STK31: variants seen among roughly 807,000 people sequenced by gnomAD.
The protein encoded by STK31 is serine/threonine-protein kinase 31.
In STK31, 89 loss-of-function variants were observed where a neutral mutation model predicts 129.7. The ratio of observed to expected loss-of-function variants is 0.69; its 90% CI spans 0.58 to 0.82. STK31 has a LOEUF of 0.82. Ranked by LOEUF, STK31 falls within the 40% of genes least tolerant of loss-of-function variation. The pLI is 0.00. For missense variants in STK31, 1,187 were observed against 1,176.4 expected (o/e 1.01, Z -0.13); for synonymous variants, 448 against 395.3 (o/e 1.13, Z -1.58).
At chr7:23,787,896 G>A (rs1791393596) in intron 20 of STK31, 84 bp from the exon 21 acceptor site, 1 of 1,348,256 alleles carries the variant, frequency 7.4e-7, no homozygotes, top group African/African-American at 1.5e-5. Context: ...CTCACTTCTA[G>A]AGCAGTCTTT....
chr7:23,829,695 T>C (rs759599335), intron 23 of STK31, among the ~76,000 whole-genome samples: 1 of 152,184 alleles, frequency 6.6e-6, no homozygotes, highest in African/African-American at 2.4e-5. Context: ...TGCAGTAGTT[T>C]GAGGATAATT....
chr7:23,751,144 G>A (rs554627411), intron 8 of STK31, among the ~76,000 whole-genome samples: 1 of 152,052 alleles, frequency 6.6e-6, no homozygotes, highest in Admixed American at 6.5e-5. Context: ...TCTGTGCCTG[G>A]CTTATTTCAC....
chr7:23,738,002 A>G (rs1787820361), intron 8 of STK31, among the ~76,000 whole-genome samples: 1 of 152,092 alleles, frequency 6.6e-6, no homozygotes, highest in African/African-American at 2.4e-5. Flanking sequence ...CATTACCTGT[A>G]CTTAGCATAT....
chr7:23,820,716 A>G (rs913012267), intron 23 of STK31, among the ~76,000 whole-genome samples: 4 of 152,182 alleles, frequency 2.6e-5, no homozygotes, highest in Middle Eastern at 3.4e-3. Flanking sequence ...CTGTCATTCA[A>G]CTCTACCTCT....
intron 6 of STK31, among the ~76,000 whole-genome samples, 153 bp from the exon 7 acceptor site, chr7:23,735,385 C>T (rs992052242): frequency 3.3e-4 from 50 of 152,056 alleles, no homozygotes; most frequent in African/African-American, 1.1e-3. Flanking sequence ...CATTCATATA[C>T]GTGGAGATGC....
At chr7:23,800,254 A>C (rs1228665114) in intron 22 of STK31, among the ~76,000 whole-genome samples, 1 of 152,210 alleles carries the variant, frequency 6.6e-6, no homozygotes, top group Non-Finnish European at 1.5e-5. Context: ...AAGGATTATA[A>C]ATCATTGTAC....
Position 23,750,067 on chromosome 7 carries a change from T to TCCCCCCCCCCCCCCCCCCCCCC in STK31, c.1018-2642_1018-2641insCCCCCCCCCCCCCCCCCCCCCC, listed in dbSNP as rs1171568592. On this transcript the variant is annotated intron_variant, in intron 8 of 23. Transcript: ENST00000355870. ...CTGGGATATTTCAGAATGGTTTGTT[T>TCCCCCCCCCCCCCCCCCCCCCC]CCCCCCCCGCCACTGCTGGAAACAT... Among the ~76,000 whole-genome samples the TCCCCCCCCCCCCCCCCCCCCCC allele has an allele frequency of 4.4e-5, 4 of 90,556 alleles. 1 individual carries two copies. Among genetic ancestry groups the TCCCCCCCCCCCCCCCCCCCCCC allele is most frequent in the Non-Finnish European group, 7.0e-5 (3 of 42,732 alleles). 59.4% of individuals were successfully genotyped at this position (90,556 alleles called of 152,430 possible).
At chr7:23,816,577 T>A (rs1004122914) in intron 23 of STK31, among the ~76,000 whole-genome samples, 1 of 152,232 alleles carries the variant, frequency 6.6e-6, no homozygotes, top group Non-Finnish European at 1.5e-5. Context: ...CATAGGATTC[T>A]GTTTCTTTCA....
At chr7:23,738,061 T>A (rs1240132472) in intron 8 of STK31, among the ~76,000 whole-genome samples, 1 of 152,228 alleles carries the variant, frequency 6.6e-6, no homozygotes, top group African/African-American at 2.4e-5. Context: ...CTACTTTAGA[T>A]GCCAGCCACA....
chr7:23,779,715 T>C (rs1330671261), intron 15 of STK31, among the ~76,000 whole-genome samples: 1 of 152,202 alleles, frequency 6.6e-6, no homozygotes, highest in African/African-American at 2.4e-5. Context: ...CCAGGTTGAC[T>C]TCAGACTGCC....
intron 23 of STK31, among the ~76,000 whole-genome samples, chr7:23,819,093 A>G (rs1233971725): frequency 2.0e-5 from 3 of 152,208 alleles, no homozygotes; most frequent in South Asian, 4.1e-4. Context: ...TATGAGAGTC[A>G]TTTTTGTTGA....
chr7:23,743,870 T>C (rs898636025), intron 8 of STK31, among the ~76,000 whole-genome samples: 1 of 151,880 alleles, frequency 6.6e-6, no homozygotes, highest in Non-Finnish European at 1.5e-5. Flanking sequence ...TTCAAAAGTC[T>C]TGTCTTAAGT....
rs1414136087 is a variant in STK31, at chr7:23,832,341, A to G, written c.3035A>G (p.Asn1012Ser). The G allele has an allele frequency of 6.2e-7, 1 of 1,610,840 alleles. No individual in the cohort carries two copies. The highest frequency in any genetic ancestry group is 8.5e-7 in the Non-Finnish European group (1 of 1,179,354). Reference protein sequence around the residue: ...NLDKCMEKTRNGEANFDC With the variant: ...NLDKCMEKTRSGEANFDC Reference sequence around the variant, plus strand: ...GATAAATGTATGGAGAAGACAAGAAATGGTGAAGCCAACTTTGATTGTTAA... The same window carrying G: ...GATAAATGTATGGAGAAGACAAGAAGTGGTGAAGCCAACTTTGATTGTTAA... Residue 1012 changes from asparagine (N) to serine (S), a missense_variant, in exon 24 of 24, where the codon AAT becomes AGT. By Grantham distance (46) the Asn-to-Ser change is conservative. Coordinates refer to ENST00000355870, the MANE Select transcript of STK31 (RefSeq NM_031414.5).
At chr7:23,808,978 T>TGTGTGTGTGTGCGCGC in intron 22 of STK31, among the ~76,000 whole-genome samples, 1 of 149,838 alleles carries the variant, frequency 6.7e-6, no homozygotes, top group African/African-American at 2.5e-5. Flanking sequence ...TGTGCCTGTG[T>TGTGTGTGTGTGCGCGC]CTGTTGGCAT....
intron 23 of STK31, among the ~76,000 whole-genome samples, chr7:23,824,273 T>C (rs1336718615): frequency 1.3e-5 from 2 of 152,224 alleles, no homozygotes; most frequent in Non-Finnish European, 2.9e-5. Context: ...TTTTACTTCA[T>C]TGAGCAGTGG....
At chr7:23,735,434 G>T (rs535674640) in intron 6 of STK31, 104 bp from the exon 7 acceptor site, 2 of 1,023,804 alleles carry the variant, frequency 2.0e-6, no homozygotes, top group African/African-American at 1.6e-5. Context: ...GTAATATAGA[G>T]ATTTTAGAAT....
At chr7:23,723,743 C>T (rs1786873721) in intron 4 of STK31, among the ~76,000 whole-genome samples, 2 of 152,054 alleles carry the variant, frequency 1.3e-5, no homozygotes, top group African/African-American at 2.4e-5. Flanking sequence ...ATAGTTTTCA[C>T]TATGTCATGA....
intron 22 of STK31, among the ~76,000 whole-genome samples, chr7:23,794,338 ATG>A: frequency 6.6e-6 from 1 of 152,322 alleles, no homozygotes; most frequent in South Asian, 2.1e-4. Flanking sequence ...GTGAAGAAGA[ATG>A]TGTTTACTTC....
chr7:23,730,873 TATATA>T (rs200638826), intron 6 of STK31, among the ~76,000 whole-genome samples: 29 of 50,234 alleles, frequency 5.8e-4, no homozygotes, highest in African/African-American at 1.2e-3. Flanking sequence ...TATATATATA[TATATA>T]TTTTTTTTTT....
Sources: gnomAD v4.1 joint callset for allele counts (sites outside exome capture counted in the v4.1 genomes callset) on GRCh38, gnomAD v4.1.1 for gene constraint, MANE v1.5 for transcripts, NCBI Gene and HGNC (gene_info 2026-07-23, HGNC 2026-07-21) for gene names.